Variants in BOC observed in about 807,000 individuals in gnomAD.
BOC encodes the protein BOC cell adhesion associated, oncogene regulated, also known as brother of CDO.
Under a neutral mutation model 112.0 loss-of-function variants are expected in BOC, and 76 were observed. The ratio of observed to expected loss-of-function variants is 0.68; its 90% confidence interval spans 0.56 to 0.82. The LOEUF is 0.82. Among genes scored for constraint, BOC ranks in the 40% least tolerant of loss-of-function variants. The probability of loss-of-function intolerance (pLI) is 0.00; values close to 1 mark genes in which losing one functional copy is unlikely to be tolerated. For synonymous variants in BOC, 580 were observed against 599.8 expected, an observed-to-expected ratio of 0.97 and a Z score of 0.48; for missense variants, 1,309 against 1,511.7, an observed-to-expected ratio of 0.87 and a Z score of 2.22.
At position 113,278,821 on chromosome 3, in the gene BOC, A is replaced by G; in HGVS notation, c.1816+38A>G. The G allele has an allele frequency of 1.3e-6, 2 of 1,529,254 alleles. No individual in the cohort carries two copies. Among genetic ancestry groups the G allele is most frequent in the Non-Finnish European group, 1.8e-6 (2 of 1,127,522 alleles). 94.7% of individuals were successfully genotyped at this position (1,529,254 alleles called of 1,614,324 possible). ...CAGCAGGGACGGACGCGCAGTCAGGACTGGAACTGCCTCAGAGGCCTGTTC... is the reference window on the plus strand; with the variant it reads ...CAGCAGGGACGGACGCGCAGTCAGGGCTGGAACTGCCTCAGAGGCCTGTTC... On this transcript the variant is annotated intron_variant, in intron 11 of 19. Coordinates refer to ENST00000682979, the MANE Select transcript of BOC (RefSeq NM_001378074.1). The surrounding 1 kb of genome is among the most constrained non-coding windows in gnomAD (Gnocchi z 4.2).
chr3:113,216,162 A>T (rs1459441748), intron 1 of BOC, 25 bp from the exon 2 acceptor site: 1 of 449,760 alleles, frequency 2.2e-6, no homozygotes, highest in Non-Finnish European at 4.5e-6. Context: ...TGTTCAAAAG[A>T]TGAGATAATT....
chr3:113,216,267 TAGA>T lies in BOC; in HGVS notation c.-83_-82+1del, dbSNP rs146281507. On this transcript the variant is annotated 5_prime_UTR_variant, in exon 2 of 20. Coordinates refer to ENST00000682979, the MANE Select transcript of BOC (RefSeq NM_001378074.1). ...CCGTCTGAGGGTAGCAGCTCGAAAG[TAGA>T]AGAAGTGGGTGAGGTTTTCTCTTCA... The T allele has an allele frequency of 0.04, 18,323 of 456,484 alleles. 509 individuals are homozygous for T. The highest frequency in any genetic ancestry group is 0.084 in the Admixed American group (3,589 of 42,554). The allele number at this position is 456,484 out of a possible 1,614,324, so 28.3% of individuals were successfully genotyped here.
chr3:113,241,577 A>G (rs1026643279), intron 2 of BOC, among the ~76,000 whole-genome samples: 2 of 152,230 alleles, frequency 1.3e-5, no homozygotes, highest in Admixed American at 1.3e-4. Flanking sequence ...TGAAAGGAAG[A>G]AAGAAAGAAA....
intron 4 of BOC, among the ~76,000 whole-genome samples, chr3:113,260,548 C>T (rs771893950): frequency 6.6e-6 from 1 of 152,160 alleles, no homozygotes; most frequent in Non-Finnish European, 1.5e-5. Flanking sequence ...CATGGTGGTG[C>T]ATGGCCTGTT....
Position 113,274,339 on chromosome 3 carries a change from A to G in BOC, c.1235-36A>G, listed in dbSNP as rs1948446456. The G allele has an allele frequency of 6.7e-7, 1 of 1,483,078 alleles. No individual in the cohort carries two copies. The allele number at this position is 1,483,078 out of a possible 1,614,324, so 91.9% of individuals were successfully genotyped here. Reference sequence around the variant, plus strand: ...AACAGCTCAGCAGGTAAACCAGGAGACTAACCTTTCCTTCTGCTTCCTGTT... The same window carrying G: ...AACAGCTCAGCAGGTAAACCAGGAGGCTAACCTTTCCTTCTGCTTCCTGTT... On this transcript the variant is annotated intron_variant, in intron 8 of 19. Coordinates refer to ENST00000682979, the MANE Select transcript of BOC (RefSeq NM_001378074.1). The surrounding 1 kb of genome is among the most constrained non-coding windows in gnomAD (Gnocchi z 4.8).
intron 4 of BOC, among the ~76,000 whole-genome samples, chr3:113,264,866 C>T (rs1306379988): frequency 1.3e-5 from 2 of 152,154 alleles, no homozygotes; most frequent in Non-Finnish European, 2.9e-5. Flanking sequence ...GACCGAACTG[C>T]TGCTTATTTG....
chr3:113,232,588 T>TGTGTGC (rs1296289901), intron 2 of BOC, among the ~76,000 whole-genome samples: 4 of 144,852 alleles, frequency 2.8e-5, no homozygotes, highest in African/African-American at 1.1e-4. Flanking sequence ...TGTGTGTGTG[T>TGTGTGC]GTGCACACGT....
intron 7 of BOC, 40 bp downstream of exon 7, chr3:113,272,743 C>G: frequency 6.2e-7 from 1 of 1,603,006 alleles, no homozygotes; most frequent in Non-Finnish European, 8.5e-7. Flanking sequence ...TTGGCCTTCT[C>G]TCTGGTCTGT....
At chr3:113,234,303 G>A (rs1252500382) in intron 2 of BOC, among the ~76,000 whole-genome samples, 1 of 152,186 alleles carries the variant, frequency 6.6e-6, no homozygotes, top group African/African-American at 2.4e-5. Context: ...ACTTGTGAAA[G>A]AAGCTACATT....
At chr3:113,251,897 G>A (rs1266977062) in intron 4 of BOC, 1 of 152,216 alleles carries the variant, frequency 6.6e-6, no homozygotes, top group African/African-American at 2.4e-5. Context: ...AGCTGGAAGA[G>A]GAGCCTTACC....
At chr3:113,238,365 C>G (rs981407230) in intron 2 of BOC, among the ~76,000 whole-genome samples, 2 of 152,186 alleles carry the variant, frequency 1.3e-5, no homozygotes, top group Non-Finnish European at 2.9e-5. Flanking sequence ...AGAGTTGTGT[C>G]TGTTCACGTA....
At chr3:113,257,854 C>T (rs756792231) in intron 4 of BOC, among the ~76,000 whole-genome samples, 52 of 152,190 alleles carry the variant, frequency 3.4e-4, no homozygotes, top group Admixed American at 2.0e-4. Context: ...AGCACTCATT[C>T]TCCAGTGCTG....
At position 113,274,815 on chromosome 3, in the gene BOC, C is replaced by T. The variant is rs567994372; in HGVS notation, c.1542+133C>T. ...CCGGTAATCCCCACCACTAAACAGG[C>T]CCTTCTGTCTCCTCCAGTGTCCATC... On this transcript the variant is annotated intron_variant, in intron 9 of 19. Coordinates refer to ENST00000682979, the MANE Select transcript of BOC (RefSeq NM_001378074.1). This position sits in a 1 kb window ranked among gnomAD's most constrained non-coding sequence, Gnocchi z 4.8. The T allele has an allele frequency of 4.3e-5, 39 of 913,056 alleles. No individual in the cohort carries two copies. In the South Asian group the frequency reaches 7.0e-4, roughly 16 times the overall value. 56.6% of individuals were successfully genotyped at this position (913,056 alleles called of 1,614,324 possible).
At chr3:113,239,472 G>A (rs1944007533) in intron 2 of BOC, among the ~76,000 whole-genome samples, 1 of 152,216 alleles carries the variant, frequency 6.6e-6, no homozygotes, top group Non-Finnish European at 1.5e-5. Context: ...CCTCTGAGCA[G>A]TGACATAAAA....
chr3:113,284,771 C>T lies in BOC; in HGVS notation c.2890-11C>T, dbSNP rs1949518739. 1.7e-5 allele frequency: 28 copies of T among 1,613,894 alleles called. No homozygotes were observed. The highest frequency in any genetic ancestry group is 2.4e-5 in the Non-Finnish European group (28 of 1,179,744). On this transcript the variant is annotated splice_polypyrimidine_tract_variant and intron_variant, in intron 17 of 19. Coordinates refer to ENST00000682979, the MANE Select transcript of BOC (RefSeq NM_001378074.1). ...CGGCGTGGCCGTCTCATTACTCTTC[C>T]TTTTGAGCAGCAGAGTGACACCAGC...
intron 18 of BOC, 37 bp from the exon 19 acceptor site, chr3:113,285,335 C>T: frequency 1.2e-6 from 2 of 1,604,834 alleles, no homozygotes; most frequent in Non-Finnish European, 1.7e-6. Flanking sequence ...CCCACCCTGC[C>T]CAGCCCCACC....
At chr3:113,234,728 G>A (rs1336513551) in intron 2 of BOC, among the ~76,000 whole-genome samples, 1 of 152,148 alleles carries the variant, frequency 6.6e-6, no homozygotes. Context: ...ATGACTTTGG[G>A]ATTGCCAGCT....
chr3:113,242,356 G>A (rs1195959755), intron 2 of BOC, among the ~76,000 whole-genome samples: 2 of 152,104 alleles, frequency 1.3e-5, no homozygotes, highest in Non-Finnish European at 2.9e-5. Flanking sequence ...AAGAAATGAG[G>A]TCATTTTGGG....
At chr3:113,223,688 G>A (rs757593172) in intron 2 of BOC, among the ~76,000 whole-genome samples, 15 of 152,030 alleles carry the variant, frequency 9.9e-5, no homozygotes, top group Non-Finnish European at 1.8e-4. Context: ...AATGTCATGC[G>A]GTTGGAATCA....
Sources: allele counts gnomAD v4.1 joint callset (sites outside exome capture counted in the v4.1 genomes callset), GRCh38; gene constraint gnomAD v4.1.1; non-coding constraint Gnocchi (gnomAD v3.1); transcripts MANE v1.5; gene names NCBI Gene and HGNC (gene_info 2026-07-23, HGNC 2026-07-21).